KIF26A: variants seen among roughly 807,000 people sequenced by gnomAD.
The protein encoded by KIF26A is kinesin family member 26A.
Under a neutral mutation model 126.0 loss-of-function variants are expected in KIF26A, and 74 were observed. That is an observed-to-expected ratio of 0.59 (90% CI 0.49 to 0.71). KIF26A has a LOEUF of 0.71. Among genes scored for constraint, KIF26A ranks in the 30% least tolerant of loss-of-function variants. The pLI is 0.00. For synonymous variants in KIF26A, 1,445 were observed against 1,232.7 expected (o/e 1.17, Z -3.61); for missense variants, 2,984 against 2,763.3 (o/e 1.08, Z -1.79).
intron 2 of KIF26A, among the ~76,000 whole-genome samples, chr14:104,150,044 C>T (rs1454695013): frequency 6.6e-6 from 1 of 152,120 alleles, no homozygotes. Context: ...TACATGTAGA[C>T]CTGTGTGCCC....
chr14:104,161,922 C>A (rs1029510928), intron 4 of KIF26A, among the ~76,000 whole-genome samples: 1 of 152,186 alleles, frequency 6.6e-6, no homozygotes, highest in African/African-American at 2.4e-5. Context: ...CGCTCCCTGG[C>A]AGTGTTGGGT....
Position 104,176,277 on chromosome 14 carries a change from A to G in KIF26A, c.3489A>G (p.Pro1163=), listed in dbSNP as rs1438365646. The G allele has an allele frequency of 1.3e-6, 2 of 1,593,430 alleles. No homozygotes were observed. The highest frequency in any genetic ancestry group is 1.1e-5 in the South Asian group (1 of 88,514). ...LGDGSSGFLG[P]DRPDSPGPTW... ...ATGGAAGCTCTGGGTTCCTGGGGCCAGACAGACCTGACAGTCCTGGGCCAA... is the reference window on the plus strand; with the variant it reads ...ATGGAAGCTCTGGGTTCCTGGGGCCGGACAGACCTGACAGTCCTGGGCCAA... The change falls in exon 12 of 15, where the codon CCA becomes CCG. Residue 1163 remains proline, a synonymous_variant. Transcript: ENST00000423312.
At chr14:104,162,921 C>G (rs1394754586) in intron 4 of KIF26A, among the ~76,000 whole-genome samples, 1 of 152,116 alleles carries the variant, frequency 6.6e-6, no homozygotes, top group Non-Finnish European at 1.5e-5. Flanking sequence ...CTGCCCTTCC[C>G]CCCGCCCCGC....
intron 5 of KIF26A, among the ~76,000 whole-genome samples, 190 bp from the exon 6 acceptor site, chr14:104,171,533 C>T (rs1267935103): frequency 6.6e-6 from 1 of 152,246 alleles, no homozygotes; most frequent in Non-Finnish European, 1.5e-5. Flanking sequence ...TCACCTTCTC[C>T]CTGCTCTGCT....
In KIF26A at chr14:104,174,280, C is replaced by A; in HGVS notation, c.2163C>A (p.Arg721=). ...ETLSTVQLAA[R]IHRLRRKKAK... ...TCAGCACCGTGCAGCTCGCCGCCCG[C>A]ATCCACCGCCTGCGCAGGAAGAAGG... Residue 721 remains arginine, a synonymous_variant, in exon 11 of 15, where the codon CGC becomes CGA. Transcript: ENST00000423312. The A allele has an allele frequency of 6.4e-7, 1 of 1,559,988 alleles. No individual in the cohort carries two copies. The highest frequency in any genetic ancestry group is 8.7e-7 in the Non-Finnish European group (1 of 1,153,164).
In KIF26A at chr14:104,148,406, C is replaced by G. The variant is rs1370207822; in HGVS notation, c.289-3609C>G. On this transcript the variant is annotated intron_variant, in intron 2 of 14. Transcript: ENST00000423312. This position sits in a 1 kb window ranked among gnomAD's most constrained non-coding sequence, Gnocchi z 4.3. Reference sequence around the variant, plus strand: ...TATTTCGCAGTGGAGTAATTACTGTCTTCCTCAAGACACCAGGCTGTGGAG... The same window carrying G: ...TATTTCGCAGTGGAGTAATTACTGTGTTCCTCAAGACACCAGGCTGTGGAG... Among the ~76,000 whole-genome samples, 1 of 152,188 alleles carries G rather than the reference C, an allele frequency of 6.6e-6. No individual in the cohort carries two copies. The highest frequency in any genetic ancestry group is 2.4e-5 in the African/African-American group (1 of 41,438).
intron 3 of KIF26A, among the ~76,000 whole-genome samples, chr14:104,157,138 C>T (rs2141099647): frequency 6.6e-6 from 1 of 152,242 alleles, no homozygotes; most frequent in East Asian, 1.9e-4. Flanking sequence ...AGGTGGAGCT[C>T]ACGTTTGCTG....
intron 4 of KIF26A, among the ~76,000 whole-genome samples, chr14:104,166,111 G>A (rs950310491): frequency 1.3e-5 from 2 of 152,120 alleles, no homozygotes; most frequent in African/African-American, 2.4e-5. Context: ...GTGGGGAGGC[G>A]CTCGCCCTGG....
chr14:104,167,739 T>C (rs1447352664), intron 5 of KIF26A, among the ~76,000 whole-genome samples: 1 of 152,132 alleles, frequency 6.6e-6, no homozygotes. Flanking sequence ...TTTGTGCCCA[T>C]GGAGGGTGGG....
chr14:104,168,965 C>A (rs181914490), intron 5 of KIF26A, among the ~76,000 whole-genome samples: 3 of 152,198 alleles, frequency 2.0e-5, no homozygotes, highest in African/African-American at 7.2e-5. Context: ...AACAAGGGGG[C>A]TCCTGATCTC....
rs563522994 is a variant in KIF26A, at chr14:104,178,807, C to T, written c.5316+52C>T. The T allele has an allele frequency of 1.1e-4, 116 of 1,086,060 alleles. 1 individual carries two copies. Among genetic ancestry groups the T allele is most frequent in the East Asian group, 7.3e-4 (27 of 37,156 alleles). The allele number at this position is 1,086,060 out of a possible 1,614,324, so 67.3% of individuals were successfully genotyped here. A position where few individuals can be genotyped will look rare whatever the true frequency, so the allele number is the denominator to read the frequency against. ...ATGACCCCTGGTGGGGAGCCTGCCGCGGATGGCAGAGTGAGCCATTTGATG... is the reference window on the plus strand; with the variant it reads ...ATGACCCCTGGTGGGGAGCCTGCCGTGGATGGCAGAGTGAGCCATTTGATG... On this transcript the variant is annotated intron_variant, in intron 13 of 14. Coordinates refer to ENST00000423312, the MANE Select transcript of KIF26A (RefSeq NM_015656.2).
intron 2 of KIF26A, among the ~76,000 whole-genome samples, chr14:104,139,580 G>C (rs1042491757): frequency 6.6e-6 from 1 of 152,230 alleles, no homozygotes; most frequent in African/African-American, 2.4e-5. Context: ...TGTGTGGGAG[G>C]AGGAGGGGAG....
At chr14:104,141,018 G>A (rs927274088) in intron 2 of KIF26A, among the ~76,000 whole-genome samples, 2 of 152,176 alleles carry the variant, frequency 1.3e-5, no homozygotes, top group African/African-American at 2.4e-5. Context: ...CTCTCCACAG[G>A]GCATGGGGGG....
rs1262154547 is a variant in KIF26A at position 104,177,605 on chromosome 14, G to A, written c.4817G>A (p.Gly1606Asp). 6.5e-7 allele frequency: 1 copy of A among 1,527,830 alleles called. No homozygotes were observed. The highest frequency in any genetic ancestry group is 2.0e-5 in the Admixed American group (1 of 49,808). The allele number at this position is 1,527,830 out of a possible 1,614,324, so 94.6% of individuals were successfully genotyped here. The change falls in exon 12 of 15, where the codon GGC (glycine) becomes GAC (aspartate). Residue 1606 changes from glycine (G) to aspartate (D), a missense_variant. Coordinates refer to ENST00000423312, the MANE Select transcript of KIF26A (RefSeq NM_015656.2). ...GTGGGGGAGGAGCGGCCACCCACGG[G>A]CCCGGCCCTGCCCTCCCCCTACAGC... ...VNVGEERPPT[G>D]PALPSPYSKV... is the part of the protein sequence containing the mutation.
In KIF26A at chr14:104,177,199, A is replaced by G. The variant is rs1045992690; in HGVS notation, c.4411A>G (p.Ser1471Gly). 6.3e-7 allele frequency: 1 copy of G among 1,596,042 alleles called. No individual in the cohort carries two copies. The stretch of plus-strand genomic sequence containing the variant: ...ACCCAAGCTGGGTGTGCCACCCTCC[A>G]GCCCCACACACGGTCCAGCTCCCGC... ...AVPKLGVPPS[S>G]PTHGPAPACR... Residue 1471 changes from serine (S) to glycine (G), a missense_variant, in exon 12 of 15, where the codon AGC becomes GGC. Physicochemically the swap from Ser to Gly is moderately conservative, Grantham distance 56. Coordinates refer to ENST00000423312, the MANE Select transcript of KIF26A (RefSeq NM_015656.2).
At chr14:104,174,930 CG>C in intron 11 of KIF26A, 51 bp from the exon 12 acceptor site, 7 of 1,455,674 alleles carry the variant, frequency 4.8e-6, no homozygotes, top group Admixed American at 2.4e-5. Context: ...GTCGGGGAAG[CG>C]GGGGCGTGTA....
chr14:104,140,547 G>T (rs1279610186), intron 2 of KIF26A, among the ~76,000 whole-genome samples: 12 of 152,214 alleles, frequency 7.9e-5, no homozygotes, highest in African/African-American at 2.9e-4. Flanking sequence ...AGTGGGCTTG[G>T]ACTGCTGATG....
At position 104,146,755 on chromosome 14, in the gene KIF26A, C is replaced by T. The variant is rs8022380; in HGVS notation, c.289-5260C>T. Reference sequence around the variant, plus strand: ...TGATCTCAGAGTTAAACCAAGGAGACGGGGTGAGGGTCTCCAAGGGGTGGG... The same window carrying T: ...TGATCTCAGAGTTAAACCAAGGAGATGGGGTGAGGGTCTCCAAGGGGTGGG... On this transcript the variant is annotated intron_variant, in intron 2 of 14. Coordinates refer to ENST00000423312, the MANE Select transcript of KIF26A (RefSeq NM_015656.2). 1.9e-3 allele frequency among the ~76,000 whole-genome samples: 283 copies of T among 152,270 alleles called. 2 individuals carry two copies. Among genetic ancestry groups the T allele is most frequent in the African/African-American group, 6.2e-3 (259 of 41,560 alleles).
In KIF26A at chr14:104,173,041, C is replaced by T; in HGVS notation, c.1485C>T (p.Ala495=). ...AGAGCCTGGGCATCGTGCCCTGCGC[C>T]ATCTCCTGGCTCTTCAGGCTCATCG... ...SPQSLGIVPC[A]ISWLFRLIEE... Residue 495 remains alanine (A), a synonymous_variant, in exon 8 of 15, where the codon GCC becomes GCT. Coordinates refer to ENST00000423312, the MANE Select transcript of KIF26A (RefSeq NM_015656.2). 6.2e-7 allele frequency: 1 copy of T among 1,606,836 alleles called. No homozygotes were observed. The highest frequency in any genetic ancestry group is 8.5e-7 in the Non-Finnish European group (1 of 1,177,592).
Sources: gnomAD v4.1 joint callset for allele counts (sites outside exome capture counted in the v4.1 genomes callset) on GRCh38, gnomAD v4.1.1 for gene constraint, Gnocchi (gnomAD v3.1) non-coding constraint, MANE v1.5 for transcripts, NCBI Gene and HGNC (gene_info 2026-07-23, HGNC 2026-07-21) for gene names.